MTAP: variants seen among roughly 807,000 people sequenced by gnomAD.
The protein encoded by MTAP is methylthioadenosine phosphorylase.
A neutral mutation model predicts 33.6 loss-of-function variants in MTAP; 33 were observed. The ratio of observed to expected loss-of-function variants is 0.98; its 90% confidence interval spans 0.74 to 1.31. MTAP has a LOEUF of 1.31. Ranked by LOEUF, MTAP falls within the 40% of genes most tolerant of loss-of-function variation. The pLI is 0.00. For missense variants in MTAP, 367 were observed against 360.0 expected (o/e 1.02, Z -0.16); for synonymous variants, 148 against 125.7 (o/e 1.18, Z -1.19).
intron 1 of MTAP, among the ~76,000 whole-genome samples, chr9:21,926,169 G>T (rs182079581): frequency 6.6e-6 from 1 of 152,144 alleles, no homozygotes; most frequent in South Asian, 2.1e-4. Flanking sequence ...AGGTCATAAT[G>T]ATAATGCCTA....
At chr9:21,884,604 G>T (rs2118717259) in intron 1 of MTAP, among the ~76,000 whole-genome samples, 1 of 152,262 alleles carries the variant, frequency 6.6e-6, no homozygotes, top group Non-Finnish European at 1.5e-5. Flanking sequence ...ATGTAGTGGA[G>T]CCCCACTTTT....
At chr9:21,909,856 G>A (rs568080849) in intron 1 of MTAP, among the ~76,000 whole-genome samples, 3 of 152,182 alleles carry the variant, frequency 2.0e-5, no homozygotes, top group East Asian at 1.9e-4. Context: ...ACTAAAGCTC[G>A]GGATGTTATG....
chr9:21,876,000 T>A (rs773499280), intron 1 of MTAP, among the ~76,000 whole-genome samples: 1 of 152,130 alleles, frequency 6.6e-6, no homozygotes, highest in African/African-American at 2.4e-5. Flanking sequence ...CCAGTATCAG[T>A]GTTCCCTTTT....
Position 21,865,019 on chromosome 9 carries a change from G to T in MTAP, c.*3005G>T, listed in dbSNP as rs921329172. On this transcript the variant is annotated 3_prime_UTR_variant, in exon 8 of 8. Transcript: ENST00000644715. Reference sequence around the variant, plus strand: ...ATAAGGTTTCAAGGAGTATCTGATGGGTTAGGAAGTCACGAAATGAGGAGT... The same window carrying T: ...ATAAGGTTTCAAGGAGTATCTGATGTGTTAGGAAGTCACGAAATGAGGAGT... The T allele has an allele frequency of 3.0e-5, 30 of 985,460 alleles. No homozygotes were observed. Among genetic ancestry groups the T allele is most frequent in the Middle Eastern group, 1.0e-3 (2 of 1,914 alleles). The allele number at this position is 985,460 out of a possible 1,614,324, so 61.0% of individuals were successfully genotyped here. A position where few individuals can be genotyped will look rare whatever the true frequency, so the allele number is the denominator to read the frequency against.
chr9:21,874,802 C>A (rs376805064), intron 1 of MTAP, among the ~76,000 whole-genome samples: 1 of 151,588 alleles, frequency 6.6e-6, no homozygotes, highest in Non-Finnish European at 1.5e-5. Context: ...TAACCATCAA[C>A]CCGTCATCTA....
At chr9:21,854,513 A>G in intron 5 of MTAP, 118 bp from the exon 6 acceptor site, 1 of 1,369,322 alleles carries the variant, frequency 7.3e-7, no homozygotes, top group Non-Finnish European at 9.7e-7. Flanking sequence ...GATAGTAGGC[A>G]TTTATTATAG....
At chr9:21,937,175 C>T (rs983663617) in exon 8 of MTAP, 3 of 152,146 alleles carry the variant, frequency 2.0e-5, no homozygotes, top group Non-Finnish European at 4.4e-5. Flanking sequence ...TCCATCTCTA[C>T]TAAAAATACA....
chr9:21,930,891 G>A (rs1476593719), intron 1 of MTAP: 4 of 631,012 alleles, frequency 6.3e-6, no homozygotes, highest in Non-Finnish European at 1.1e-5. Flanking sequence ...CTGGAAATGG[G>A]ATCTTCCCTG....
chr9:21,904,671 T>A (rs1818446507), intron 1 of MTAP, among the ~76,000 whole-genome samples: 1 of 152,142 alleles, frequency 6.6e-6, no homozygotes. Context: ...AAAAAGAGAT[T>A]TATCTGACTC....
chr9:21,879,333 T>C (rs573240597), intron 1 of MTAP, among the ~76,000 whole-genome samples: 1 of 152,310 alleles, frequency 6.6e-6, no homozygotes, highest in African/African-American at 2.4e-5. Context: ...TCTATCTTTA[T>C]TGGTTTAAAG....
At chr9:21,896,110 C>T (rs1818287812) in intron 1 of MTAP, among the ~76,000 whole-genome samples, 1 of 152,164 alleles carries the variant, frequency 6.6e-6, no homozygotes, top group African/African-American at 2.4e-5. Context: ...AAGAAACGCA[C>T]CCAAAACTGC....
rs367599453 is a variant in MTAP at position 21,915,000 on chromosome 9, T to TTTCCTTCCTTCCTTCC, written c.148-15965_148-15950dup. 6.8e-3 allele frequency among the ~76,000 whole-genome samples: 567 copies of TTTCCTTCCTTCCTTCC among 83,580 alleles called. 1 individual carries two copies. The highest frequency in any genetic ancestry group is 0.014 in the East Asian group (24 of 1,762). The allele number at this position is 83,580 out of a possible 152,430, so 54.8% of individuals were successfully genotyped here. On this transcript the variant is annotated intron_variant, in intron 1 of 1. Coordinates refer to the MTAP transcript ENST00000577563. ...TAGCACATATCAATACTTTGTTTTCTTTCCTTCCTTCCTTCCTTCCTTCCT... is the reference window on the plus strand; with the variant it reads ...TAGCACATATCAATACTTTGTTTTCTTTCCTTCCTTCCTTCCTTCCTTCCTTCCTTCCTTCCTTCCT...
chr9:21,854,746 G>T lies in MTAP; in HGVS notation c.566G>T (p.Trp189Leu), dbSNP rs184520335. 9.7e-5 allele frequency: 157 copies of T among 1,614,014 alleles called. 1 individual carries two copies. In the East Asian group the frequency reaches 1.6e-3, roughly 16 times the overall value. ...SRAESFMFRT[W>L]GADVINMTTV... ...GCAGAAAGCTTCATGTTCCGCACCT[G>T]GGGGGCGGATGTTATCAACATGACC... Residue 189 changes from tryptophan (W) to leucine (L), a missense_variant, in exon 6 of 8, where the codon TGG becomes TTG. Transcript: ENST00000644715.
At chr9:21,828,721 C>A (rs76616217) in intron 4 of MTAP, among the ~76,000 whole-genome samples, 104 of 152,232 alleles carry the variant, frequency 6.8e-4, no homozygotes, top group Admixed American at 1.8e-3. Flanking sequence ...AGCATGAAAT[C>A]TCAATTTTTA....
rs1309862421 is a variant in MTAP at position 21,812,176 on chromosome 9, G to A, written c.34-3257G>A. 3.6e-5 allele frequency: 7 copies of A among 196,280 alleles called. No individual in the cohort carries two copies. The South Asian group carries it at 6.7e-4, about 19-fold the overall frequency. 12.2% of individuals were successfully genotyped at this position (196,280 alleles called of 1,614,324 possible). A position where few individuals can be genotyped will look rare whatever the true frequency, so the allele number is the denominator to read the frequency against. On this transcript the variant is annotated intron_variant, in intron 1 of 7. Coordinates refer to ENST00000644715, the MANE Select transcript of MTAP (RefSeq NM_002451.4). ...TACATGAAGTGCAGGTGGGGGAACA[G>A]GACCATGTTTGCGGCCAGCTTCTGC...
intron 1 of MTAP, among the ~76,000 whole-genome samples, chr9:21,815,181 T>G (rs1563831011): frequency 6.6e-6 from 1 of 152,200 alleles, no homozygotes; most frequent in African/African-American, 2.4e-5. Context: ...GAAGTAAATG[T>G]GATGTAGTCC....
At chr9:21,915,976 A>C (rs1563869894) in intron 1 of MTAP, among the ~76,000 whole-genome samples, 1 of 149,448 alleles carries the variant, frequency 6.7e-6, no homozygotes, top group African/African-American at 2.4e-5. Context: ...TTGAGGTTGA[A>C]CTGTGATGAC....
intron 5 of MTAP, among the ~76,000 whole-genome samples, chr9:21,850,929 T>G (rs1478969392): frequency 6.6e-6 from 1 of 152,214 alleles, no homozygotes; most frequent in Non-Finnish European, 1.5e-5. Context: ...TTTGGGCTCC[T>G]CCTGCCTTTA....
At position 21,818,084 on chromosome 9, in the gene MTAP, A is replaced by G; in HGVS notation, c.229A>G (p.Asn77Asp). Residue 77 changes from asparagine to aspartate, a missense_variant, in exon 4 of 8, where the codon AAC (asparagine) becomes GAC (aspartate). Transcript: ENST00000644715. ...IMPSKVNYQA[N>D]IWALKEEGCT... ...GCCTTCAAAGGTCAACTACCAGGCG[A>G]ACATCTGGGCTTTGAAGGAAGAGGG... 6.2e-7 allele frequency: 1 copy of G among 1,613,770 alleles called. No individual in the cohort carries two copies. Among genetic ancestry groups the G allele is most frequent in the Non-Finnish European group, 8.5e-7 (1 of 1,179,922 alleles).
Sources: allele counts gnomAD v4.1 joint callset (sites outside exome capture counted in the v4.1 genomes callset), GRCh38; gene constraint gnomAD v4.1.1; transcripts MANE v1.5; gene names NCBI Gene and HGNC (gene_info 2026-07-23, HGNC 2026-07-21).